Variants in DNAH14 observed in about 807,000 individuals in gnomAD.
DNAH14 encodes the protein dynein axonemal heavy chain 14.
Under a neutral mutation model 520.9 loss-of-function variants are expected in DNAH14, and 478 were observed. The observed-to-expected ratio is 0.92, with a 90% confidence interval of 0.85 to 0.99. The LOEUF (loss-of-function observed/expected upper bound fraction) is 0.99, where lower values mean the gene tolerates loss of function less well. Ranked by LOEUF, DNAH14 falls within the 50% of genes least tolerant of loss-of-function variation. DNAH14 has a pLI of 0.00. For synonymous variants in DNAH14, 1,581 were observed against 1,757.2 expected, an observed-to-expected ratio of 0.90 and a Z score of 2.51; for missense variants, 4,831 against 5,234.5, an observed-to-expected ratio of 0.92 and a Z score of 2.38.
chr1:225,399,017 A>G (rs1279642789), intron 85 of DNAH14, 37 bp from the exon 86 acceptor site: 1 of 1,414,158 alleles, frequency 7.1e-7, no homozygotes. Flanking sequence ...CACTTGAACT[A>G]TGCAATTTGA....
rs769365974 is a variant in DNAH14, at chr1:225,207,053, G to T, written c.6272G>T (p.Cys2091Phe). 53 of 1,550,522 alleles carry T rather than the reference G, an allele frequency of 3.4e-5. No homozygotes were observed. The South Asian group carries it at 5.6e-4, about 16-fold the overall frequency. The change falls in exon 41 of 86, where the codon TGT (cysteine) becomes TTT (phenylalanine). Residue 2091 changes from cysteine to phenylalanine, a missense_variant. Coordinates refer to ENST00000682510, the MANE Select transcript of DNAH14 (RefSeq NM_001367479.1). ...SKIISQSGVD[C>F]LEFMIKNSVT... ...ATTATAAGTCAATCAGGAGTGGATT[G>T]TCTTGAATTCATGATTAAAAATAGT...
chr1:225,266,881 A>G lies in DNAH14; in HGVS notation c.7539+112A>G. 5 of 1,043,698 alleles carry G rather than the reference A, an allele frequency of 4.8e-6. No individual in the cohort carries two copies. The South Asian group carries it at 9.9e-5, about 21-fold the overall frequency. The allele number at this position is 1,043,698 out of a possible 1,614,324, so 64.7% of individuals were successfully genotyped here. ...TGAGAAAGTTAGAAATTCTGGCCAT[A>G]TGGACATGTTAAGCAAAGTTGAGAC... On this transcript the variant is annotated intron_variant, in intron 49 of 85. Coordinates refer to ENST00000682510, the MANE Select transcript of DNAH14 (RefSeq NM_001367479.1).
At chr1:224,930,358 G>A (rs1029239786) in intron 1 of DNAH14, among the ~76,000 whole-genome samples, 5 of 152,078 alleles carry the variant, frequency 3.3e-5, no homozygotes, top group Non-Finnish European at 4.4e-5. Flanking sequence ...GATAGACTAC[G>A]CTAGGAAATA....
Position 225,389,734 on chromosome 1 carries a change from G to T in DNAH14, c.13191G>T (p.Arg4397=). The T allele has an allele frequency of 6.4e-7, 1 of 1,552,162 alleles. No individual in the cohort carries two copies. The highest frequency in any genetic ancestry group is 1.2e-5 in the South Asian group (1 of 84,048). ...AKVAYTAIQR[R]YMRFVTVWKQ... Reference sequence around the variant, plus strand: ...CAACCTGTGGTCTGCCTTCCACTAGGTATATGAGATTTGTCACAGTTTGGA... The same window carrying T: ...CAACCTGTGGTCTGCCTTCCACTAGTTATATGAGATTTGTCACAGTTTGGA... The change falls in exon 83 of 86, where the codon CGG becomes CGT. Residue 4397 remains arginine (R), a splice_region_variant and synonymous_variant. Coordinates refer to ENST00000682510, the MANE Select transcript of DNAH14 (RefSeq NM_001367479.1).
Position 225,399,151 on chromosome 1 carries a change from T to C in DNAH14, c.13736T>C (p.Leu4579Ser), listed in dbSNP as rs2096065180. The C allele has an allele frequency of 6.4e-7, 1 of 1,551,848 alleles. No homozygotes were observed. The highest frequency in any genetic ancestry group is 2.4e-5 in the East Asian group (1 of 40,914). The stretch of plus-strand genomic sequence containing the variant: ...CAGACACCTGAGAGGTCAAGAATTT[T>C]GGCAACTACCGGTTTACCAACAAAC... ...VYQTPERSRI[L>S]ATTGLPTNFL... Residue 4579 changes from leucine (L) to serine (S), a missense_variant, in exon 86 of 86, where the codon TTG (leucine) becomes TCG (serine). Physicochemically the swap from Leu to Ser is moderately radical, Grantham distance 145. Transcript: ENST00000682510.
chr1:225,276,260 T>G (rs901708047), intron 53 of DNAH14, among the ~76,000 whole-genome samples, 179 bp downstream of exon 53: 1 of 152,028 alleles, frequency 6.6e-6, no homozygotes, highest in Non-Finnish European at 1.5e-5. Flanking sequence ...GGAAAATGCT[T>G]ACCTTCATAT....
At chr1:224,967,949 G>T (rs1011745724) in intron 6 of DNAH14, 18 of 1,165,168 alleles carry the variant, frequency 1.5e-5, no homozygotes, top group Non-Finnish European at 1.8e-5. Flanking sequence ...TTTATTGCCA[G>T]ATGTAGAAAT....
intron 1 of DNAH14, among the ~76,000 whole-genome samples, chr1:224,935,928 A>G (rs1188300349): frequency 6.6e-6 from 1 of 151,910 alleles, no homozygotes; most frequent in African/African-American, 2.4e-5. Context: ...AAATACATGT[A>G]AATGAATGTA....
rs907970937 is a variant in DNAH14, at chr1:225,080,643, C to T, written c.3031C>T (p.Arg1011Ter). The change falls in exon 19 of 86, where the codon CGA (arginine) becomes TGA (stop). Residue 1011 changes from arginine (R) to a stop codon, truncating the protein, a stop_gained. Coordinates refer to ENST00000682510, the MANE Select transcript of DNAH14 (RefSeq NM_001367479.1). LOFTEE classifies it high-confidence loss of function. Reference sequence around the variant, plus strand: ...ATGGGAAGCACAAGAGGAGTGGAAGCGAGCCTCTTGGGAATGGAGGAATAG... The same window carrying T: ...ATGGGAAGCACAAGAGGAGTGGAAGTGAGCCTCTTGGGAATGGAGGAATAG... ...KLWEAQEEWK[R>*]ASWEWRNSSL... 6.4e-6 allele frequency: 10 copies of T among 1,551,642 alleles called. No individual in the cohort carries two copies. Among genetic ancestry groups the T allele is most frequent in the Non-Finnish European group, 7.8e-6 (9 of 1,146,978 alleles).
At chr1:225,247,428 G>C (rs767244218) in intron 43 of DNAH14, among the ~76,000 whole-genome samples, 5 of 151,972 alleles carry the variant, frequency 3.3e-5, no homozygotes, top group Non-Finnish European at 7.4e-5. Context: ...AATTCAATAG[G>C]ATAAACTCCA....
intron 15 of DNAH14, among the ~76,000 whole-genome samples, chr1:225,044,549 T>C (rs1157289015): frequency 6.6e-6 from 1 of 152,124 alleles, no homozygotes; most frequent in Non-Finnish European, 1.5e-5. Flanking sequence ...ATGCATTGTT[T>C]GATTTTGTTT....
At chr1:225,361,487 T>A (rs1290447036) in intron 75 of DNAH14, among the ~76,000 whole-genome samples, 1 of 152,268 alleles carries the variant, frequency 6.6e-6, no homozygotes, top group African/African-American at 2.4e-5. Context: ...TTTCAACCAA[T>A]TACATTCTAT....
chr1:225,027,552 A>G (rs2066213289), intron 11 of DNAH14, among the ~76,000 whole-genome samples: 2 of 152,174 alleles, frequency 1.3e-5, no homozygotes, highest in Non-Finnish European at 2.9e-5. Flanking sequence ...GGGAGGCCTC[A>G]GGAAACTTAC....
chr1:225,091,599 G>A (rs1313350299), intron 21 of DNAH14, among the ~76,000 whole-genome samples: 1 of 152,048 alleles, frequency 6.6e-6, no homozygotes, highest in Non-Finnish European at 1.5e-5. Flanking sequence ...ATAAGAAAAG[G>A]AAAGACTACT....
chr1:225,218,438 C>T (rs1013404264), intron 41 of DNAH14, among the ~76,000 whole-genome samples: 2 of 150,424 alleles, frequency 1.3e-5, no homozygotes, highest in Non-Finnish European at 2.9e-5. Context: ...CACACATAGG[C>T]TCAAAATAAA....
At chr1:225,308,436 A>G (rs2094293902) in intron 60 of DNAH14, 26 bp downstream of exon 60, 1 of 1,504,596 alleles carries the variant, frequency 6.6e-7, no homozygotes, top group Middle Eastern at 1.8e-4. Flanking sequence ...TGTCAATAAA[A>G]ATAATTTGGA....
intron 8 of DNAH14, among the ~76,000 whole-genome samples, chr1:224,993,460 T>A (rs2125774909): frequency 6.6e-6 from 1 of 152,078 alleles, no homozygotes; most frequent in African/African-American, 2.4e-5. Flanking sequence ...TTATTTATTC[T>A]AGGTAATCCA....
intron 49 of DNAH14, among the ~76,000 whole-genome samples, chr1:225,269,804 A>G (rs1482364967): frequency 6.6e-6 from 1 of 152,230 alleles, no homozygotes; most frequent in African/African-American, 2.4e-5. Flanking sequence ...AATGGCGATC[A>G]TTAAAAAGTC....
chr1:225,317,889 A>AC (rs1451794003), intron 60 of DNAH14, among the ~76,000 whole-genome samples: 4 of 152,168 alleles, frequency 2.6e-5, no homozygotes, highest in African/African-American at 9.7e-5. Context: ...GCTTAATGTC[A>AC]CCCCACCGGG....
Sources: allele counts gnomAD v4.1 joint callset (sites outside exome capture counted in the v4.1 genomes callset), GRCh38; gene constraint gnomAD v4.1.1; transcripts MANE v1.5; gene names NCBI Gene and HGNC (gene_info 2026-07-23, HGNC 2026-07-21).